The following EFEMP2 variants were observed in gnomAD, a reference collection of about 807,000 sequenced individuals.
EFEMP2 encodes the protein EGF-like fibulin extracellular matrix protein 2, also known as EGF-containing fibulin-like extracellular matrix protein 2.
Under a neutral mutation model 55.3 loss-of-function variants are expected in EFEMP2, and 21 were observed. That is an observed-to-expected ratio of 0.38 (90% CI 0.27 to 0.55). The LOEUF (loss-of-function observed/expected upper bound fraction) is 0.55, where lower values mean the gene tolerates loss of function less well. EFEMP2 is among the 20% of genes least tolerant of loss of function. The probability of loss-of-function intolerance (pLI) is 0.77; values close to 1 mark genes in which losing one functional copy is unlikely to be tolerated. For synonymous variants in EFEMP2, 275 were observed against 242.3 expected, an observed-to-expected ratio of 1.14 and a Z score of -1.25; for missense variants, 513 against 615.1, an observed-to-expected ratio of 0.83 and a Z score of 1.76.
chr11:65,870,289 G>T, intron 5 of EFEMP2, 52 bp from the exon 6 acceptor site: 1 of 1,568,470 alleles, frequency 6.4e-7, no homozygotes, highest in Non-Finnish European at 8.8e-7. Flanking sequence ...CAGAGGGCAG[G>T]TGGGCTCGAG....
rs750714865 is a variant in EFEMP2 at position 65,870,131 on chromosome 11, G to C, written c.597C>G (p.Arg199=). 6.2e-7 allele frequency: 1 copy of C among 1,613,814 alleles called. No individual in the cohort carries two copies. ...EPGFQLGPNN[R]SCVDVNECDM... is the part of the protein sequence containing the mutation. Reference sequence around the variant, plus strand: ...CCAGCCCAGCCTCACCAACACAGGAGCGGTTGTTAGGCCCCAGCTGGAAGC... The same window carrying C: ...CCAGCCCAGCCTCACCAACACAGGACCGGTTGTTAGGCCCCAGCTGGAAGC... Residue 199 remains arginine (R), a synonymous_variant, in exon 6 of 11, where the codon CGC becomes CGG. Transcript: ENST00000307998.
intron 10 of EFEMP2, chr11:65,867,604 G>A (rs1043055791): frequency 1.9e-6 from 1 of 534,942 alleles, no homozygotes. Context: ...CCCTTGGTTT[G>A]TGGGTGAAGA....
In EFEMP2 at chr11:65,869,916, G is replaced by T; in HGVS notation, c.668C>A (p.Thr223Asn). 6.2e-7 allele frequency: 1 copy of T among 1,614,068 alleles called. No homozygotes were observed. Among genetic ancestry groups the T allele is most frequent in the Non-Finnish European group, 8.5e-7 (1 of 1,180,026 alleles). Residue 223 changes from threonine to asparagine, a missense_variant, in exon 7 of 11, where the codon ACC becomes AAC. Thr to Asn is a moderately conservative substitution (Grantham distance 65). Coordinates refer to ENST00000307998, the MANE Select transcript of EFEMP2 (RefSeq NM_016938.5). ...CEQRCFNSYG[T>N]FLCRCHQGYE... ...GCCCTGGTGGCAGCGACACAGGAAGGTCCCATAGGAGTTGAAGCAGCGCTG... is the reference window on the plus strand; with the variant it reads ...GCCCTGGTGGCAGCGACACAGGAAGTTCCCATAGGAGTTGAAGCAGCGCTG...
At chr11:65,868,151 T>C (rs901998017) in intron 9 of EFEMP2, 95 bp from the exon 10 acceptor site, 7 of 1,561,132 alleles carry the variant, frequency 4.5e-6, no homozygotes, top group African/African-American at 4.1e-5. Context: ...AAAGGACCCT[T>C]CTACCCCTGT....
rs1038699615 is a variant in EFEMP2 at position 65,872,544 on chromosome 11, C to A, written c.-8+139G>T. On this transcript the variant is annotated intron_variant, in intron 1 of 10. Coordinates refer to ENST00000307998, the MANE Select transcript of EFEMP2 (RefSeq NM_016938.5). ...CCCAGGCCCGGGTCCCAGGCCCACC[C>A]GCCCCGGCCACCCCGCCCCCGCCCC... The A allele has an allele frequency of 5.9e-4, 279 of 474,686 alleles. 1 individual carries two copies. The highest frequency in any genetic ancestry group is 2.3e-3 in the Admixed American group (59 of 25,640). The allele number at this position is 474,686 out of a possible 1,614,324, so 29.4% of individuals were successfully genotyped here. A position where few individuals can be genotyped will look rare whatever the true frequency, so the allele number is the denominator to read the frequency against.
intron 10 of EFEMP2, chr11:65,867,497 G>T: frequency 2.3e-6 from 1 of 434,960 alleles, no homozygotes; most frequent in Non-Finnish European, 4.3e-6. Context: ...CAGTCACTGT[G>T]AGCAGCTCAC....
Position 65,867,047 on chromosome 11 carries a change from G to T in EFEMP2, c.1203C>A (p.Leu401=). ...CCCGGGGGCCCGTCACCGGCCGGGC[G>T]AGGACCAGCATGGCGCTGACGTTGT... ...QINNVSAMLV[L]ARPVTGPREY... is the part of the protein sequence containing the mutation. Residue 401 remains leucine, a synonymous_variant, in exon 11 of 11, where the codon CTC becomes CTA. Coordinates refer to ENST00000307998, the MANE Select transcript of EFEMP2 (RefSeq NM_016938.5). The T allele has an allele frequency of 6.2e-7, 1 of 1,614,174 alleles. No individual in the cohort carries two copies. Among genetic ancestry groups the T allele is most frequent in the Non-Finnish European group, 8.5e-7 (1 of 1,180,032 alleles).
Position 65,869,978 on chromosome 11 carries a change from T to C in EFEMP2, c.608-2A>G, listed in dbSNP as rs1224841813. The C allele has an allele frequency of 6.2e-7, 1 of 1,613,606 alleles. No individual in the cohort carries two copies. The highest frequency in any genetic ancestry group is 8.5e-7 in the Non-Finnish European group (1 of 1,179,916). ...CCCCCATGTCACACTCGTTCACATCTGGGGGTGCCAGGAAAAACAGGAGGG... is the reference window on the plus strand; with the variant it reads ...CCCCCATGTCACACTCGTTCACATCCGGGGGTGCCAGGAAAAACAGGAGGG... On this transcript the variant is annotated splice_acceptor_variant, in intron 6 of 10. Coordinates refer to ENST00000307998, the MANE Select transcript of EFEMP2 (RefSeq NM_016938.5). LOFTEE classifies it high-confidence loss of function.
chr11:65,866,786 C>T lies in EFEMP2; in HGVS notation c.*132G>A, dbSNP rs1859853635. Reference sequence around the variant, plus strand: ...AGTGCCACCCTGCCCCAGCCTGAGGCTTCCTGCAGTGTGACCCGCCCACCT... The same window carrying T: ...AGTGCCACCCTGCCCCAGCCTGAGGTTTCCTGCAGTGTGACCCGCCCACCT... On this transcript the variant is annotated 3_prime_UTR_variant, in exon 11 of 11. Coordinates refer to ENST00000307998, the MANE Select transcript of EFEMP2 (RefSeq NM_016938.5). 2 of 1,186,050 alleles carry T rather than the reference C, an allele frequency of 1.7e-6. No homozygotes were observed. The highest frequency in any genetic ancestry group is 2.6e-5 in the South Asian group (2 of 77,290). 73.5% of individuals were successfully genotyped at this position (1,186,050 alleles called of 1,614,324 possible). A position where few individuals can be genotyped will look rare whatever the true frequency, so the allele number is the denominator to read the frequency against.
At chr11:65,871,818 G>C in intron 3 of EFEMP2, 152 bp downstream of exon 3, 1 of 981,296 alleles carries the variant, frequency 1.0e-6, no homozygotes, top group Middle Eastern at 2.6e-4. Context: ...GGCCTCCAGA[G>C]AGCCAGAGCT....
At position 65,871,340 on chromosome 11, in the gene EFEMP2, G is replaced by T; in HGVS notation, c.184C>A (p.Pro62Thr). 1 of 1,614,184 alleles carries T rather than the reference G, an allele frequency of 6.2e-7. No homozygotes were observed. Among genetic ancestry groups the T allele is most frequent in the African/African-American group, 1.3e-5 (1 of 75,042 alleles). ...TTCATTTCCCCCTTGCAGGCCTCAG[G>T]GATGGTCAGACACTCGTTGACATCT... The part of the protein sequence containing the change: ...CRDVNECLTI[P>T]EACKGEMKCI... The change falls in exon 4 of 11, where the codon CCT becomes ACT. Residue 62 changes from proline (P) to threonine (T), a missense_variant. Transcript: ENST00000307998.
Position 65,868,061 on chromosome 11 carries a change from A to G in EFEMP2, c.975-5T>C. ...GAGGCCGGGCAGAGACAGCGGCTAG[A>G]GACCCCGAGGTGGGGGACACAAATG... On this transcript the variant is annotated splice_region_variant and splice_polypyrimidine_tract_variant and intron_variant, in intron 9 of 10. Coordinates refer to ENST00000307998, the MANE Select transcript of EFEMP2 (RefSeq NM_016938.5). 6.2e-7 allele frequency: 1 copy of G among 1,613,490 alleles called. No individual in the cohort carries two copies. The highest frequency in any genetic ancestry group is 8.5e-7 in the Non-Finnish European group (1 of 1,179,856).
Position 65,867,021 on chromosome 11 carries a change from T to C in EFEMP2, c.1229A>G (p.Glu410Gly). Reference sequence around the variant, plus strand: ...GACCATCTCCAGGTCCAGCACGTACTCCCGGGGGCCCGTCACCGGCCGGGC... The same window carrying C: ...GACCATCTCCAGGTCCAGCACGTACCCCCGGGGGCCCGTCACCGGCCGGGC... Reference protein sequence around the residue: ...VLARPVTGPREYVLDLEMVTM... With the variant: ...VLARPVTGPRGYVLDLEMVTM... Residue 410 changes from glutamate (E) to glycine (G), a missense_variant, in exon 11 of 11, where the codon GAG becomes GGG. Glu to Gly is a moderately conservative substitution (Grantham distance 98, BLOSUM62 -2). Transcript: ENST00000307998. 1 of 1,614,120 alleles carries C rather than the reference T, an allele frequency of 6.2e-7. No individual in the cohort carries two copies. The highest frequency in any genetic ancestry group is 8.5e-7 in the Non-Finnish European group (1 of 1,180,016).
chr11:65,866,838 T>A lies in EFEMP2; in HGVS notation c.*80A>T. Reference sequence around the variant, plus strand: ...AGCCACCAGGACTTTCTTTCTCCCTTTATTGCCTTTCTCATTCTGCCCCTC... The same window carrying A: ...AGCCACCAGGACTTTCTTTCTCCCTATATTGCCTTTCTCATTCTGCCCCTC... On this transcript the variant is annotated 3_prime_UTR_variant, in exon 11 of 11. Transcript: ENST00000307998. 2 of 1,554,496 alleles carry A rather than the reference T, an allele frequency of 1.3e-6. No individual in the cohort carries two copies. The highest frequency in any genetic ancestry group is 1.8e-6 in the Non-Finnish European group (2 of 1,132,464).
At chr11:65,867,149 A>C in intron 10 of EFEMP2, 70 bp from the exon 11 acceptor site, 3 of 1,591,956 alleles carry the variant, frequency 1.9e-6, no homozygotes, top group Non-Finnish European at 8.6e-7. Flanking sequence ...CCCCAGCGTC[A>C]CCTCCCTGCC....
intron 5 of EFEMP2, 31 bp downstream of exon 5, chr11:65,870,505 C>T (rs760786325): frequency 1.8e-5 from 29 of 1,613,246 alleles, no homozygotes; most frequent in South Asian, 4.4e-5. Context: ...GACACAAAGC[C>T]GGGACTACAG....
At chr11:65,871,893 T>TG in intron 3 of EFEMP2, 77 bp downstream of exon 3, 2 of 1,524,600 alleles carry the variant, frequency 1.3e-6, no homozygotes, top group South Asian at 2.4e-5. Context: ...TTCTTGGAGG[T>TG]GGGGCTGTCC....
At chr11:65,869,729 C>T (rs1212692989) in intron 7 of EFEMP2, 128 bp downstream of exon 7, 9 of 1,461,094 alleles carry the variant, frequency 6.2e-6, no homozygotes, top group Non-Finnish European at 7.6e-6. Flanking sequence ...GTCGAGTACC[C>T]AGGAGGCAGC....
rs751587117 is a variant in EFEMP2, at chr11:65,869,944, C to G, written c.640G>C (p.Glu214Gln). The G allele has an allele frequency of 1.2e-6, 2 of 1,613,950 alleles. No individual in the cohort carries two copies. The highest frequency in any genetic ancestry group is 2.2e-5 in the East Asian group (1 of 44,886). ...VNECDMGAPC[E>Q]QRCFNSYGTF... ...CCATAGGAGTTGAAGCAGCGCTGCT[C>G]GCATGGGGCCCCCATGTCACACTCG... The change falls in exon 7 of 11, where the codon GAG becomes CAG. Residue 214 changes from glutamate to glutamine, a missense_variant. Glu to Gln is a conservative substitution (Grantham distance 29). Transcript: ENST00000307998.
Sources: allele counts gnomAD v4.1 joint callset, GRCh38; gene constraint gnomAD v4.1.1; transcripts MANE v1.5; gene names NCBI Gene and HGNC (gene_info 2026-07-23, HGNC 2026-07-21).